The following SSH2 variants were observed in gnomAD, a reference collection of about 807,000 sequenced individuals.
SSH2 encodes protein phosphatase Slingshot homolog 2.
SSH2 carries 37 observed loss-of-function variants against 135.2 expected under a neutral mutation model. The observed-to-expected ratio is 0.27, with a 90% confidence interval of 0.21 to 0.36. The LOEUF is 0.36. Ranked by LOEUF, SSH2 falls within the 10% of genes least tolerant of loss-of-function variation. SSH2 has a pLI of 1.00. For missense variants in SSH2, 1,408 were observed against 1,765.3 expected, an observed-to-expected ratio of 0.80 and a Z score of 3.63; for synonymous variants, 628 against 646.2, an observed-to-expected ratio of 0.97 and a Z score of 0.43.
chr17:29,696,339 T>C (rs897770100), intron 4 of SSH2, among the ~76,000 whole-genome samples: 6 of 148,804 alleles, frequency 4.0e-5, no homozygotes, highest in African/African-American at 1.5e-4. Flanking sequence ...TATACACATA[T>C]GTGTGTATAT....
intron 3 of SSH2, among the ~76,000 whole-genome samples, chr17:29,779,550 T>C (rs952867078): frequency 6.6e-6 from 1 of 151,922 alleles, no homozygotes; most frequent in Admixed American, 6.6e-5. Context: ...CAGCAAAAGA[T>C]GAACAGTGGC....
intron 5 of SSH2, among the ~76,000 whole-genome samples, chr17:29,695,253 T>A (rs970361783): frequency 6.6e-6 from 1 of 152,232 alleles, no homozygotes; most frequent in African/African-American, 2.4e-5. Flanking sequence ...TTTCTGAACT[T>A]CAATTGTAAT....
Position 29,684,676 on chromosome 17 carries a change from T to A in SSH2, c.366A>T (p.Arg122Ser). Residue 122 changes from arginine (R) to serine (S), a missense_variant, in exon 6 of 16, where the codon AGA becomes AGT. Coordinates refer to ENST00000540801, the MANE Select transcript of SSH2 (RefSeq NM_001282129.2). ...TTCGATTCTGGTAAGTACTTTCCAGTCTTACAGCCTGGAATTTAGCAGACA... is the reference window on the plus strand; with the variant it reads ...TTCGATTCTGGTAAGTACTTTCCAGACTTACAGCCTGGAATTTAGCAGACA... Reference protein sequence around the residue: ...RPEDNIRLAVRLESTYQNRTR... With the variant: ...RPEDNIRLAVSLESTYQNRTR... The A allele has an allele frequency of 2.5e-6, 4 of 1,609,044 alleles. No individual in the cohort carries two copies. The highest frequency in any genetic ancestry group is 1.3e-5 in the African/African-American group (1 of 74,892).
At chr17:29,724,453 G>A (rs2039921560) in intron 3 of SSH2, among the ~76,000 whole-genome samples, 1 of 148,712 alleles carries the variant, frequency 6.7e-6, no homozygotes, top group South Asian at 2.1e-4. Context: ...ACTTGAACCC[G>A]GGAGGCGGAG....
intron 11 of SSH2, among the ~76,000 whole-genome samples, chr17:29,656,054 A>G (rs777493001): frequency 3.3e-5 from 5 of 152,244 alleles, no homozygotes; most frequent in Non-Finnish European, 7.3e-5. Context: ...TTTCTTCCCT[A>G]TGGAAACCCA....
intron 1 of SSH2, among the ~76,000 whole-genome samples, chr17:29,886,484 C>T (rs1042927788): frequency 6.6e-6 from 1 of 152,046 alleles, no homozygotes; most frequent in African/African-American, 2.4e-5. Flanking sequence ...TCGTGGCTCA[C>T]ACCTGTAATC....
chr17:29,658,867 C>CA (rs541052752), intron 11 of SSH2, among the ~76,000 whole-genome samples: 3,850 of 31,736 alleles, frequency 0.12, 467 homozygotes, highest in African/African-American at 0.32. Context: ...AACTCCGTCT[C>CA]AAAAAAAAAA....
intron 9 of SSH2, among the ~76,000 whole-genome samples, chr17:29,670,709 G>C (rs1032871029): frequency 2.6e-5 from 4 of 152,210 alleles, no homozygotes; most frequent in Non-Finnish European, 5.9e-5. Flanking sequence ...GGGAGGCAGA[G>C]ATTGTAGTAA....
chr17:29,919,126 C>T (rs896449323), intron 1 of SSH2, among the ~76,000 whole-genome samples: 31 of 152,124 alleles, frequency 2.0e-4, no homozygotes, highest in African/African-American at 7.0e-4. Context: ...ATCAATCTTT[C>T]TACTTCTACT....
At chr17:29,691,861 G>A (rs374306181) in intron 5 of SSH2, among the ~76,000 whole-genome samples, 2 of 151,500 alleles carry the variant, frequency 1.3e-5, no homozygotes, top group Non-Finnish European at 2.9e-5. Flanking sequence ...ACTTTCAGCC[G>A]GGCGCGGTGG....
chr17:29,681,331 C>CAAAAAA (rs764461213), intron 6 of SSH2, among the ~76,000 whole-genome samples: 8 of 14,354 alleles, frequency 5.6e-4, no homozygotes, highest in African/African-American at 8.9e-4. Context: ...GAGACTGTCT[C>CAAAAAA]AAAAAAAAAA....
At chr17:29,860,578 G>T (rs62068629) in intron 1 of SSH2, among the ~76,000 whole-genome samples, 2 of 151,170 alleles carry the variant, frequency 1.3e-5, no homozygotes, top group East Asian at 3.9e-4. Context: ...ATTACAGGAG[G>T]GTCCCACCAT....
chr17:29,632,558 C>T lies in SSH2; in HGVS notation c.2636G>A (p.Gly879Asp). 1 of 1,614,202 alleles carries T rather than the reference C, an allele frequency of 6.2e-7. No homozygotes were observed. ...CTTGGCACCTGGGTGCATCCCTGAG[C>T]CCTGGAGCTCTTGTTCCCCCTCAGC... ...EPAEGEQELQ[G>D]SGMHPGAKWY... The change falls in exon 16 of 16, where the codon GGC becomes GAC. Residue 879 changes from glycine (G) to aspartate (D), a missense_variant. Physicochemically the swap from Gly to Asp is moderately conservative, Grantham distance 94. Transcript: ENST00000540801.
chr17:29,899,482 A>G (rs2151456944), intron 1 of SSH2, among the ~76,000 whole-genome samples: 1 of 152,274 alleles, frequency 6.6e-6, no homozygotes, highest in South Asian at 2.1e-4. Context: ...TTATACACCA[A>G]TAACAGACAA....
At chr17:29,754,815 C>T (rs2041062857) in intron 3 of SSH2, among the ~76,000 whole-genome samples, 1 of 152,160 alleles carries the variant, frequency 6.6e-6, no homozygotes, top group Admixed American at 6.5e-5. Context: ...TACAGGCACG[C>T]ACCACCATGC....
At chr17:29,670,403 A>C (rs2037445009) in intron 9 of SSH2, among the ~76,000 whole-genome samples, 1 of 152,208 alleles carries the variant, frequency 6.6e-6, no homozygotes, top group African/African-American at 2.4e-5. Flanking sequence ...ACTAAAAAGA[A>C]GGTCCTAGCA....
chr17:29,783,215 A>G (rs921564070), intron 3 of SSH2, among the ~76,000 whole-genome samples: 2 of 149,866 alleles, frequency 1.3e-5, no homozygotes, highest in Admixed American at 6.7e-5. Flanking sequence ...AAATGGAAAA[A>G]CCTTATTTAT....
At chr17:29,859,488 C>T (rs568691739) in intron 1 of SSH2, among the ~76,000 whole-genome samples, 1 of 152,240 alleles carries the variant, frequency 6.6e-6, no homozygotes, top group East Asian at 1.9e-4. Flanking sequence ...CTGTGTTCCC[C>T]TCTATGTGTC....
At chr17:29,814,706 T>C (rs2042523587) in intron 2 of SSH2, among the ~76,000 whole-genome samples, 1 of 151,922 alleles carries the variant, frequency 6.6e-6, no homozygotes, top group Non-Finnish European at 1.5e-5. Flanking sequence ...TAATAGAACT[T>C]TATTAAGCCA....
Sources: gnomAD v4.1 joint callset for allele counts (sites outside exome capture counted in the v4.1 genomes callset) on GRCh38, gnomAD v4.1.1 for gene constraint, MANE v1.5 for transcripts, NCBI Gene and HGNC (gene_info 2026-07-23, HGNC 2026-07-21) for gene names.